The following PDZD2 variants were observed in gnomAD, a reference collection of about 807,000 sequenced individuals.
PDZD2 encodes the protein PDZ domain containing 2.
A neutral mutation model predicts 220.7 loss-of-function variants in PDZD2; 90 were observed. That is an observed-to-expected ratio of 0.41 (90% CI 0.34 to 0.49). PDZD2 has a LOEUF of 0.49. Among genes scored for constraint, PDZD2 ranks in the 20% least tolerant of loss-of-function variants. The pLI, the probability that PDZD2 is intolerant of heterozygous loss-of-function variation, is 0.28. For synonymous variants in PDZD2, 1,375 were observed against 1,450.5 expected (o/e 0.95, Z 1.18); for missense variants, 3,174 against 3,608.5 (o/e 0.88, Z 3.08).
intron 2 of PDZD2, among the ~76,000 whole-genome samples, chr5:31,885,372 C>T (rs1297444071): frequency 2.0e-5 from 3 of 152,016 alleles, no homozygotes; most frequent in Admixed American, 6.6e-5. Context: ...GAGTGAGACA[C>T]GTCACAGGTA....
chr5:31,804,648 G>A (rs1369142177), intron 2 of PDZD2, among the ~76,000 whole-genome samples: 2 of 151,898 alleles, frequency 1.3e-5, no homozygotes, highest in African/African-American at 4.8e-5. Context: ...TGCATTGTAC[G>A]ACCTCAACTT....
intron 2 of PDZD2, among the ~76,000 whole-genome samples, chr5:31,908,026 T>G (rs927086840): frequency 1.3e-4 from 17 of 133,292 alleles, no homozygotes; most frequent in South Asian, 4.5e-4. Flanking sequence ...GAGGCTTCAG[T>G]GAGCCGAGAT....
At chr5:32,055,892 G>C (rs992124237) in intron 10 of PDZD2, among the ~76,000 whole-genome samples, 1 of 152,160 alleles carries the variant, frequency 6.6e-6, no homozygotes, top group Non-Finnish European at 1.5e-5. Flanking sequence ...TAATGGATGT[G>C]CCATGTGTTC....
chr5:31,941,623 A>G (rs1051266165), intron 2 of PDZD2, among the ~76,000 whole-genome samples: 3 of 152,180 alleles, frequency 2.0e-5, no homozygotes, highest in African/African-American at 7.2e-5. Flanking sequence ...TGTGAAATGT[A>G]CGTACTTGGG....
intron 3 of PDZD2, among the ~76,000 whole-genome samples, chr5:31,990,502 G>T (rs983725572): frequency 3.9e-5 from 6 of 152,178 alleles, no homozygotes; most frequent in African/African-American, 1.4e-4. Flanking sequence ...TCTAGACAGG[G>T]TCTGTTGCAG....
intron 2 of PDZD2, among the ~76,000 whole-genome samples, chr5:31,812,027 TAAATAAATA>T (rs1561478757): frequency 7.0e-6 from 1 of 142,314 alleles, no homozygotes; most frequent in African/African-American, 2.9e-5. Flanking sequence ...AATAAATAAA[TAAATAAATA>T]AAAATTCAAG....
intron 6 of PDZD2, among the ~76,000 whole-genome samples, chr5:32,016,985 A>C (rs1753835469): frequency 6.6e-6 from 1 of 152,164 alleles, no homozygotes; most frequent in East Asian, 1.9e-4. Context: ...CCAGGTCCTC[A>C]CTGTCACTGT....
chr5:32,010,604 A>C, intron 6 of PDZD2, 122 bp downstream of exon 6: 1 of 760,602 alleles, frequency 1.3e-6, no homozygotes, highest in East Asian at 2.5e-5. Context: ...AAAAGACACC[A>C]GTGCATTCTT....
intron 2 of PDZD2, among the ~76,000 whole-genome samples, chr5:31,879,211 T>G (rs1561535544): frequency 6.6e-6 from 1 of 151,544 alleles, no homozygotes; most frequent in South Asian, 2.1e-4. Context: ...CACGGTGAAA[T>G]CCTGTCTCTA....
chr5:32,049,431 G>GAC (rs941075362), intron 8 of PDZD2, among the ~76,000 whole-genome samples: 1 of 152,216 alleles, frequency 6.6e-6, no homozygotes. Flanking sequence ...AGAGATAGAG[G>GAC]ACGGGCGTGG....
intron 6 of PDZD2, chr5:32,010,748 C>G: frequency 2.2e-6 from 1 of 461,996 alleles, no homozygotes; most frequent in Admixed American, 2.7e-5. Flanking sequence ...GTAATGCCAG[C>G]ACTTTTGGAG....
At chr5:31,662,834 G>T (rs574720947) in intron 1 of PDZD2, among the ~76,000 whole-genome samples, 27 of 152,318 alleles carry the variant, frequency 1.8e-4, no homozygotes, top group Admixed American at 9.1e-4. Flanking sequence ...GTTTCACCGT[G>T]TTAGCCAGGA....
chr5:31,783,949 T>G (rs1313380287), intron 1 of PDZD2, among the ~76,000 whole-genome samples: 1 of 152,218 alleles, frequency 6.6e-6, no homozygotes, highest in Non-Finnish European at 1.5e-5. Context: ...GTGCTCTGAC[T>G]GTCACTGAGT....
At chr5:32,003,805 G>T (rs751552930) in intron 5 of PDZD2, among the ~76,000 whole-genome samples, 7 of 152,124 alleles carry the variant, frequency 4.6e-5, no homozygotes, top group African/African-American at 1.7e-4. Flanking sequence ...TCTGCGTCCC[G>T]AGTTCAAGCG....
At chr5:31,845,771 G>A (rs1757549201) in intron 2 of PDZD2, among the ~76,000 whole-genome samples, 1 of 152,138 alleles carries the variant, frequency 6.6e-6, no homozygotes, top group African/African-American at 2.4e-5. Context: ...TGTAATAATA[G>A]TACATATTCT....
At chr5:31,881,278 G>A (rs1271332726) in intron 2 of PDZD2, among the ~76,000 whole-genome samples, 1 of 150,150 alleles carries the variant, frequency 6.7e-6, no homozygotes, top group Admixed American at 6.7e-5. Flanking sequence ...AGTCTCCCAG[G>A]AATGTGTTTT....
intron 14 of PDZD2, among the ~76,000 whole-genome samples, chr5:32,063,115 G>A (rs2112352237): frequency 1.3e-5 from 2 of 151,428 alleles, no homozygotes; most frequent in Non-Finnish European, 2.9e-5. Context: ...CGTGATCTCG[G>A]CTCACTGCAA....
At chr5:31,702,729 G>T (rs1747657074) in intron 1 of PDZD2, among the ~76,000 whole-genome samples, 1 of 152,220 alleles carries the variant, frequency 6.6e-6, no homozygotes, top group Admixed American at 6.5e-5. Flanking sequence ...GTGTTTCTTT[G>T]TAAAACATAT....
At chr5:31,801,843 G>C (rs1042045303) in intron 2 of PDZD2, among the ~76,000 whole-genome samples, 2 of 152,176 alleles carry the variant, frequency 1.3e-5, no homozygotes, top group Admixed American at 6.5e-5. Context: ...ATAATGGAGA[G>C]TGTTTGGGAG....
Sources: gnomAD v4.1 joint callset for allele counts (sites outside exome capture counted in the v4.1 genomes callset) on GRCh38, gnomAD v4.1.1 for gene constraint, MANE v1.5 for transcripts, NCBI Gene and HGNC (gene_info 2026-07-23, HGNC 2026-07-21) for gene names.